The following HTRA3 variants were observed in gnomAD, a reference collection of about 807,000 sequenced individuals.
HTRA3 encodes HtrA serine peptidase 3.
Under a neutral mutation model 43.2 loss-of-function variants are expected in HTRA3, and 41 were observed. The observed-to-expected ratio is 0.95, with a 90% CI of 0.74 to 1.23. The LOEUF (loss-of-function observed/expected upper bound fraction) is 1.23. Among genes scored for constraint, HTRA3 ranks in the 50% most tolerant of loss-of-function variants. The pLI is 0.00. For missense variants in HTRA3, 628 were observed against 647.1 expected (o/e 0.97, Z 0.32); for synonymous variants, 295 against 287.9 (o/e 1.02, Z -0.25).
chr4:8,291,346 G>A, intron 3 of HTRA3, 24 bp from the exon 4 acceptor site: 1 of 1,606,602 alleles, frequency 6.2e-7, no homozygotes, highest in Non-Finnish European at 8.5e-7. Flanking sequence ...CTCCCTCTCT[G>A]TGTCTTCTCC....
At chr4:8,274,144 C>T (rs987300693) in intron 1 of HTRA3, among the ~76,000 whole-genome samples, 9 of 152,354 alleles carry the variant, frequency 5.9e-5, no homozygotes, top group East Asian at 5.8e-4. Flanking sequence ...GCATCACCCT[C>T]GGTGCCGTCT....
intron 1 of HTRA3, among the ~76,000 whole-genome samples, chr4:8,274,966 TG>T (rs2153003660): frequency 6.6e-6 from 1 of 152,346 alleles, no homozygotes; most frequent in African/African-American, 2.4e-5. Flanking sequence ...AGCAGCTTCC[TG>T]GGGCTGCACA....
At chr4:8,281,752 G>A (rs1465461547) in intron 1 of HTRA3, among the ~76,000 whole-genome samples, 3 of 152,230 alleles carry the variant, frequency 2.0e-5, no homozygotes, top group Non-Finnish European at 2.9e-5. Context: ...AGCCCCTACT[G>A]CTGACGGCAG....
chr4:8,295,679 T>G lies in HTRA3; in HGVS notation c.1051+1478T>G. On this transcript the variant is annotated intron_variant, in intron 6 of 8. Coordinates refer to ENST00000307358, the MANE Select transcript of HTRA3 (RefSeq NM_053044.5). This position sits in a 1 kb window ranked among gnomAD's most constrained non-coding sequence, Gnocchi z 6.9. ...AGCAACTCACACTTCCACATTGCTT[T>G]GCTGTCTCCTCCCAGCCCCCTCACT... 1.4e-6 allele frequency: 2 copies of G among 1,418,802 alleles called. No individual in the cohort carries two copies. Among genetic ancestry groups the G allele is most frequent in the Non-Finnish European group, 1.8e-6 (2 of 1,084,092 alleles). The allele number at this position is 1,418,802 out of a possible 1,614,324, so 87.9% of individuals were successfully genotyped here.
In HTRA3 at chr4:8,270,320, G is replaced by C. The variant is rs1266855988; in HGVS notation, c.352G>C (p.Val118Leu). The change falls in exon 1 of 9, where the codon GTG (valine) becomes CTG (leucine). Residue 118 changes from valine (V) to leucine (L), a missense_variant. Transcript: ENST00000307358. ...RRALQLSGTP[V>L]RQLQKGACPL... is the part of the protein sequence containing the mutation. ...CGCGCTGCAGCTCTCCGGGACGCCC[G>C]TGCGCCAGCTGCAGAAGGGCGCCTG... 1.4e-6 allele frequency: 2 copies of C among 1,451,912 alleles called. No homozygotes were observed. The highest frequency in any genetic ancestry group is 2.4e-4 in the Middle Eastern group (1 of 4,090). 89.9% of individuals were successfully genotyped at this position (1,451,912 alleles called of 1,614,324 possible).
chr4:8,299,129 C>T (rs1202228205), intron 6 of HTRA3, among the ~76,000 whole-genome samples: 1 of 152,206 alleles, frequency 6.6e-6, no homozygotes. Context: ...CAGACTACCT[C>T]TCCATTTATT....
At chr4:8,280,731 G>A (rs6447854) in intron 1 of HTRA3, among the ~76,000 whole-genome samples, 116,020 of 152,092 alleles carry the variant, frequency 0.76, 44,753 homozygotes, top group Middle Eastern at 0.86. Context: ...GGAGCCTCGC[G>A]GTGGCCGGCG....
rs897313288 is a variant in HTRA3 at position 8,270,233 on chromosome 4, G to A, written c.265G>A (p.Val89Met). 1 of 1,533,432 alleles carries A rather than the reference G, an allele frequency of 6.5e-7. No individual in the cohort carries two copies. Among genetic ancestry groups the A allele is most frequent in the Admixed American group, 1.9e-5 (1 of 51,538 alleles). The allele number at this position is 1,533,432 out of a possible 1,614,324, so 95.0% of individuals were successfully genotyped here. ...ATGCCGCTGCCGCTGGTCGCACGCC[G>A]TGTGTGGCACCGACGGGCACACCTA... ...GLCRCRWSHA[V>M]CGTDGHTYAN... The change falls in exon 1 of 9, where the codon GTG (valine) becomes ATG (methionine). Residue 89 changes from valine (V) to methionine (M), a missense_variant. By Grantham distance (21) the Val-to-Met change is conservative. Coordinates refer to ENST00000307358, the MANE Select transcript of HTRA3 (RefSeq NM_053044.5).
Position 8,286,846 on chromosome 4 carries a change from A to T in HTRA3, c.708+63A>T. ...GCTGGGCATGGTGGCCTCTTCCCAGACGCCGGAACCCAGAGGCAAGCTAGC... is the reference window on the plus strand; with the variant it reads ...GCTGGGCATGGTGGCCTCTTCCCAGTCGCCGGAACCCAGAGGCAAGCTAGC... On this transcript the variant is annotated intron_variant, in intron 3 of 8. Transcript: ENST00000307358. This position sits in a 1 kb window ranked among gnomAD's most constrained non-coding sequence, Gnocchi z 4.9. 4 of 1,307,504 alleles carry T rather than the reference A, an allele frequency of 3.1e-6. No homozygotes were observed. The highest frequency in any genetic ancestry group is 4.3e-6 in the Non-Finnish European group (4 of 932,366). 81.0% of individuals were successfully genotyped at this position (1,307,504 alleles called of 1,614,324 possible).
At chr4:8,304,655 T>G (rs909740518) in intron 8 of HTRA3, among the ~76,000 whole-genome samples, 19,032 of 121,850 alleles carry the variant, frequency 0.16, 1,910 homozygotes, top group Non-Finnish European at 0.22. Flanking sequence ...TTTTTTTTTT[T>G]TTTTTTTTTT....
rs1301600007 is a variant in HTRA3 at position 8,297,876 on chromosome 4, C to T, written c.1051+3675C>T. ...CCACAGGCAGTTCCCACTAAGAGCACCTGTCAAGACCCCCCTGCTCCTGCA... is the reference window on the plus strand; with the variant it reads ...CCACAGGCAGTTCCCACTAAGAGCATCTGTCAAGACCCCCCTGCTCCTGCA... On this transcript the variant is annotated intron_variant, in intron 6 of 8. Transcript: ENST00000307358. This position sits in a 1 kb window ranked among gnomAD's most constrained non-coding sequence, Gnocchi z 5.8. Among the ~76,000 whole-genome samples, 3 of 152,170 alleles carry T rather than the reference C, an allele frequency of 2.0e-5. No individual in the cohort carries two copies. The highest frequency in any genetic ancestry group is 7.2e-5 in the African/African-American group (3 of 41,440).
chr4:8,292,553 C>T (rs1713290336), intron 5 of HTRA3, among the ~76,000 whole-genome samples, 200 bp downstream of exon 5: 1 of 152,190 alleles, frequency 6.6e-6, no homozygotes, highest in Admixed American at 6.5e-5. Context: ...TAGTGGCCAC[C>T]AGGAATGAGG....
chr4:8,281,877 A>T (rs1007245263), intron 1 of HTRA3, among the ~76,000 whole-genome samples: 30 of 152,192 alleles, frequency 2.0e-4, no homozygotes, highest in Non-Finnish European at 3.5e-4. Context: ...AGAAATTGGC[A>T]GCTCTTTTGG....
chr4:8,275,189 T>C (rs1712469913), intron 1 of HTRA3, among the ~76,000 whole-genome samples: 1 of 152,210 alleles, frequency 6.6e-6, no homozygotes, highest in Non-Finnish European at 1.5e-5. Context: ...CAGGGCGCTG[T>C]GCAGCTGCCC....
At chr4:8,271,413 T>G (rs1712270814) in intron 1 of HTRA3, among the ~76,000 whole-genome samples, 1 of 152,164 alleles carries the variant, frequency 6.6e-6, no homozygotes, top group Non-Finnish European at 1.5e-5. Flanking sequence ...CAGAGAGCTC[T>G]TCTTTTCTGG....
At chr4:8,290,367 G>A (rs1713186221) in intron 3 of HTRA3, among the ~76,000 whole-genome samples, 1 of 152,268 alleles carries the variant, frequency 6.6e-6, no homozygotes, top group Non-Finnish European at 1.5e-5. Context: ...AGAAGGACCA[G>A]TGGCCTGGTG....
chr4:8,273,298 G>A (rs1038767541), intron 1 of HTRA3, among the ~76,000 whole-genome samples: 3 of 152,278 alleles, frequency 2.0e-5, no homozygotes, highest in East Asian at 1.9e-4. Flanking sequence ...CAGCGTAGCC[G>A]GCTTCTGCCC....
intron 3 of HTRA3, among the ~76,000 whole-genome samples, chr4:8,289,594 T>C (rs908979717): frequency 6.6e-6 from 1 of 152,168 alleles, no homozygotes; most frequent in East Asian, 1.9e-4. Flanking sequence ...CTGTGGCAAA[T>C]GGGTGCCAGC....
chr4:8,289,173 C>A (rs900231493), intron 3 of HTRA3, among the ~76,000 whole-genome samples: 2 of 151,862 alleles, frequency 1.3e-5, no homozygotes, highest in Non-Finnish European at 2.9e-5. Flanking sequence ...TGGTCTAGAA[C>A]TCGTGGGCTC....
Sources: allele counts gnomAD v4.1 joint callset (sites outside exome capture counted in the v4.1 genomes callset), GRCh38; gene constraint gnomAD v4.1.1; non-coding constraint Gnocchi (gnomAD v3.1); transcripts MANE v1.5; gene names NCBI Gene and HGNC (gene_info 2026-07-23, HGNC 2026-07-21).